Variants in CDH18 observed in about 807,000 individuals in gnomAD.
The protein encoded by CDH18 is cadherin-18.
Under a neutral mutation model 67.9 loss-of-function variants are expected in CDH18, and 31 were observed. The observed-to-expected ratio is 0.46, with a 90% CI of 0.34 to 0.62. CDH18 has a LOEUF of 0.62. CDH18 is among the 20% of genes least tolerant of loss of function. The probability of loss-of-function intolerance (pLI) is 0.01; values close to 1 mark genes in which losing one functional copy is unlikely to be tolerated. For missense variants in CDH18, 890 were observed against 975.5 expected (o/e 0.91, Z 1.17); for synonymous variants, 362 against 347.2 (o/e 1.04, Z -0.48).
At chr5:20,535,358 C>A (rs1756652217) in intron 1 of CDH18, among the ~76,000 whole-genome samples, 1 of 152,000 alleles carries the variant, frequency 6.6e-6, no homozygotes, top group African/African-American at 2.4e-5. Flanking sequence ...ATTTTAAATT[C>A]CCCATTTTTC....
intron 2 of CDH18, 35 bp downstream of exon 2, chr5:19,981,025 C>T (rs1420782477): frequency 6.6e-6 from 1 of 152,148 alleles, no homozygotes; most frequent in Non-Finnish European, 1.5e-5. Flanking sequence ...TCACATCCTG[C>T]CAACTTTATT....
intron 2 of CDH18, among the ~76,000 whole-genome samples, chr5:20,141,981 AT>A (rs1561824784): frequency 6.6e-6 from 1 of 151,954 alleles, no homozygotes; most frequent in African/African-American, 2.4e-5. Context: ...GGAAGTTGAA[AT>A]TTTTTGAGGA....
chr5:19,820,792 C>G (rs1345230005), intron 3 of CDH18, among the ~76,000 whole-genome samples: 1 of 152,144 alleles, frequency 6.6e-6, no homozygotes, highest in Non-Finnish European at 1.5e-5. Flanking sequence ...CTACCTGGAT[C>G]ACCTGTGAAA....
At chr5:19,727,691 A>G (rs1050434897) in intron 4 of CDH18, among the ~76,000 whole-genome samples, 6 of 148,468 alleles carry the variant, frequency 4.0e-5, no homozygotes, top group African/African-American at 1.5e-4. Flanking sequence ...GTTGCTTTTT[A>G]ATCTGGGCAA....
At chr5:19,517,236 A>G (rs1167677939) in intron 10 of CDH18, among the ~76,000 whole-genome samples, 1 of 152,080 alleles carries the variant, frequency 6.6e-6, no homozygotes, top group African/African-American at 2.4e-5. Context: ...AAATATGTGG[A>G]ATATCTTTTT....
chr5:20,144,347 T>C (rs1302513779), intron 2 of CDH18, among the ~76,000 whole-genome samples: 2 of 152,178 alleles, frequency 1.3e-5, no homozygotes, highest in African/African-American at 4.8e-5. Flanking sequence ...ATGGGTTTTA[T>C]CCTGCCTAGT....
chr5:19,507,161 T>C (rs1431821738), intron 10 of CDH18, among the ~76,000 whole-genome samples: 2 of 152,156 alleles, frequency 1.3e-5, no homozygotes, highest in Non-Finnish European at 2.9e-5. Flanking sequence ...AAAATGCTTA[T>C]CATCATTGGC....
chr5:20,513,088 T>C (rs1414043317), intron 1 of CDH18, among the ~76,000 whole-genome samples: 1 of 152,166 alleles, frequency 6.6e-6, no homozygotes, highest in African/African-American at 2.4e-5. Flanking sequence ...TATGTTTTTA[T>C]AATTAATGAA....
chr5:19,952,548 T>C (rs921195801), intron 2 of CDH18, among the ~76,000 whole-genome samples: 7 of 152,056 alleles, frequency 4.6e-5, no homozygotes, highest in Non-Finnish European at 2.9e-5. Flanking sequence ...TTCCTAATAC[T>C]CTCCATTCAT....
At chr5:19,892,283 C>A (rs541003900) in intron 2 of CDH18, among the ~76,000 whole-genome samples, 1 of 152,024 alleles carries the variant, frequency 6.6e-6, no homozygotes, top group South Asian at 2.1e-4. Flanking sequence ...TGTTAGTTTA[C>A]CTTTGGGAGG....
chr5:19,752,960 C>A (rs1771051770), intron 3 of CDH18, among the ~76,000 whole-genome samples: 1 of 152,102 alleles, frequency 6.6e-6, no homozygotes, highest in Admixed American at 6.5e-5. Context: ...TCTCAGGAAG[C>A]CACATCCATA....
At chr5:19,582,727 G>T (rs1241412614) in intron 7 of CDH18, among the ~76,000 whole-genome samples, 3 of 151,920 alleles carry the variant, frequency 2.0e-5, no homozygotes, top group Non-Finnish European at 4.4e-5. Context: ...GTGATCATGT[G>T]TTTGCCTGTG....
intron 1 of CDH18, among the ~76,000 whole-genome samples, chr5:20,522,720 C>G (rs983160540): frequency 6.6e-6 from 1 of 152,116 alleles, no homozygotes; most frequent in South Asian, 2.1e-4. Flanking sequence ...AAAAATAAAA[C>G]CCTCTCTGAA....
At chr5:19,780,146 C>T (rs1581316617) in intron 3 of CDH18, among the ~76,000 whole-genome samples, 1 of 152,050 alleles carries the variant, frequency 6.6e-6, no homozygotes, top group Admixed American at 6.6e-5. Context: ...CAGAAGAGTG[C>T]ATAACTTCAA....
intron 1 of CDH18, among the ~76,000 whole-genome samples, chr5:20,346,759 A>G (rs897682913): frequency 2.0e-5 from 3 of 152,146 alleles, no homozygotes; most frequent in African/African-American, 7.2e-5. Flanking sequence ...TGAGTGTAAT[A>G]ACAGCTGTTA....
intron 3 of CDH18, among the ~76,000 whole-genome samples, chr5:19,813,967 G>C (rs1177060152): frequency 1.3e-5 from 2 of 151,800 alleles, no homozygotes. Context: ...GTCAAAACCA[G>C]CTTCTGGTAG....
intron 2 of CDH18, among the ~76,000 whole-genome samples, chr5:20,012,531 G>A (rs1737540583): frequency 6.6e-6 from 1 of 151,860 alleles, no homozygotes; most frequent in Admixed American, 6.6e-5. Flanking sequence ...GCTGCAAGAA[G>A]AATAAAACAC....
intron 5 of CDH18, among the ~76,000 whole-genome samples, chr5:19,618,491 C>G (rs2150132136): frequency 6.6e-6 from 1 of 152,240 alleles, no homozygotes; most frequent in Non-Finnish European, 1.5e-5. Flanking sequence ...CAGGCACGAG[C>G]CACCGTGCCT....
At chr5:20,099,835 G>A (rs1041579778) in intron 2 of CDH18, among the ~76,000 whole-genome samples, 1 of 152,062 alleles carries the variant, frequency 6.6e-6, no homozygotes, top group African/African-American at 2.4e-5. Context: ...CCAGGCTGGA[G>A]TGCAGTGGCA....
Sources: allele counts gnomAD v4.1 joint callset (sites outside exome capture counted in the v4.1 genomes callset), GRCh38; gene constraint gnomAD v4.1.1; transcripts MANE v1.5; gene names NCBI Gene and HGNC (gene_info 2026-07-23, HGNC 2026-07-21).